PSMD11: variants seen among roughly 807,000 people sequenced by gnomAD.
PSMD11 encodes the protein proteasome 26S subunit, non-ATPase 11.
PSMD11 carries 5 observed loss-of-function variants against 62.3 expected under a neutral mutation model. That is an observed-to-expected ratio of 0.08 (90% CI 0.04 to 0.17). The LOEUF (loss-of-function observed/expected upper bound fraction) is 0.17, where lower values mean the gene tolerates loss of function less well. Among genes scored for constraint, PSMD11 ranks in the 10% least tolerant of loss-of-function variants. PSMD11 has a pLI of 1.00. For synonymous variants in PSMD11, 191 were observed against 191.8 expected, an observed-to-expected ratio of 1.00 and a Z score of 0.03; for missense variants, 310 against 512.9, an observed-to-expected ratio of 0.60 and a Z score of 3.82.
Position 32,482,758 on chromosome 17 carries a change from A to C in PSMD11, c.*2006A>C, listed in dbSNP as rs1279654445. The C allele has an allele frequency of 1.3e-5, 2 of 152,150 alleles. No individual in the cohort carries two copies. The highest frequency in any genetic ancestry group is 4.8e-5 in the African/African-American group (2 of 41,418). The allele number at this position is 152,150 out of a possible 1,614,324, so 9.4% of individuals were successfully genotyped here. A position where few individuals can be genotyped will look rare whatever the true frequency, so the allele number is the denominator to read the frequency against. On this transcript the variant is annotated 3_prime_UTR_variant, in exon 14 of 14. Coordinates refer to ENST00000261712, the MANE Select transcript of PSMD11 (RefSeq NM_002815.4). ...AGGTGTCTGGAGAGTCCTGACATGC[A>C]GTTGTGGTTTCGTTTCCTTTTGGAA...
At chr17:32,469,675 GGT>G (rs1197250490) in intron 6 of PSMD11, among the ~76,000 whole-genome samples, 2 of 151,672 alleles carry the variant, frequency 1.3e-5, no homozygotes, top group Non-Finnish European at 1.5e-5. Flanking sequence ...TGGATTGGCA[GGT>G]GGAATACTTT....
In PSMD11 at chr17:32,480,195, A is replaced by C; in HGVS notation, c.1124A>C (p.His375Pro). Residue 375 changes from histidine (H) to proline (P), a missense_variant and splice_region_variant, in exon 12 of 14, where the codon CAT becomes CCT. By Grantham distance (77) the His-to-Pro change is moderately conservative. Around this residue, in one of 6 missense-constraint regions of PSMD11, gnomAD observed 135 missense variants for 195.4 expected, o/e 0.69. Transcript: ENST00000261712. ...CAGATGATTCTTGACAAGAAATTTC[A>C]TGGTAAGTAACAGTCACACAGGCAA... ...LSQMILDKKF[H>P]GILDQGEGVL... The C allele has an allele frequency of 6.2e-7, 1 of 1,613,292 alleles. No individual in the cohort carries two copies. Among genetic ancestry groups the C allele is most frequent in the Non-Finnish European group, 8.5e-7 (1 of 1,179,182 alleles).
At position 32,454,091 on chromosome 17, in the gene PSMD11, CT is replaced by C. The variant is rs1291362774; in HGVS notation, c.194-403del. On this transcript the variant is annotated intron_variant, in intron 2 of 13. Transcript: ENST00000261712. ...CTTGGAAGTTAGAAAAAAATTACCC[CT>C]ATGACCTGATCATATTTATTGGTTG... Among the ~76,000 whole-genome samples the C allele has an allele frequency of 3.9e-5, 6 of 152,272 alleles. No individual in the cohort carries two copies. The East Asian group carries it at 1.2e-3, about 29-fold the overall frequency.
chr17:32,474,907 C>A, intron 8 of PSMD11, 83 bp downstream of exon 8: 1 of 1,180,802 alleles, frequency 8.5e-7, no homozygotes, highest in South Asian at 1.2e-5. Context: ...GACCAGCACT[C>A]TTCAGATCTT....
At chr17:32,457,744 A>G (rs963045975) in intron 3 of PSMD11, among the ~76,000 whole-genome samples, 5 of 151,108 alleles carry the variant, frequency 3.3e-5, no homozygotes, top group African/African-American at 9.7e-5. Context: ...AATTTTGTCA[A>G]TTCAGCTTTC....
chr17:32,466,813 A>AT (rs1360032343), intron 5 of PSMD11, among the ~76,000 whole-genome samples: 1 of 152,054 alleles, frequency 6.6e-6, no homozygotes, highest in African/African-American at 2.4e-5. Flanking sequence ...AACACTTGTT[A>AT]TTTTTTAATT....
At chr17:32,477,226 AT>A in intron 8 of PSMD11, 1 of 303,688 alleles carries the variant, frequency 3.3e-6, no homozygotes. Flanking sequence ...TTCTCTTGTC[AT>A]TTTTCCTTTT....
At chr17:32,448,584 G>C (rs905843686) in intron 2 of PSMD11, among the ~76,000 whole-genome samples, 1 of 151,900 alleles carries the variant, frequency 6.6e-6, no homozygotes, top group Admixed American at 6.6e-5. Context: ...TGTTGGTCAG[G>C]CTGGTCTTGA....
chr17:32,479,474 G>A, intron 10 of PSMD11, 98 bp downstream of exon 10: 1 of 1,488,552 alleles, frequency 6.7e-7, no homozygotes, highest in African/African-American at 1.4e-5. Context: ...TTCTAGGGGT[G>A]TGCCTGGTGG....
At chr17:32,475,173 C>A (rs570690017) in intron 8 of PSMD11, among the ~76,000 whole-genome samples, 4 of 152,306 alleles carry the variant, frequency 2.6e-5, no homozygotes, top group South Asian at 2.1e-4. Flanking sequence ...ATCTTAGATT[C>A]TCCAGGTTAG....
At chr17:32,444,788 A>C in intron 1 of PSMD11, 174 bp downstream of exon 1, 1 of 705,392 alleles carries the variant, frequency 1.4e-6, no homozygotes, top group Non-Finnish European at 2.2e-6. Context: ...CCCAGGTCTC[A>C]CTCTTGTGGG....
At chr17:32,461,810 A>G (rs1195589006) in intron 3 of PSMD11, among the ~76,000 whole-genome samples, 3 of 152,136 alleles carry the variant, frequency 2.0e-5, no homozygotes, top group Non-Finnish European at 4.4e-5. Context: ...ATCTTATACA[A>G]TTGTGATATA....
At chr17:32,453,455 C>G (rs1469840907) in intron 2 of PSMD11, among the ~76,000 whole-genome samples, 1 of 152,158 alleles carries the variant, frequency 6.6e-6, no homozygotes, top group East Asian at 1.9e-4. Flanking sequence ...AAGGTCATTA[C>G]TGGGGAGTGA....
At chr17:32,444,741 G>C (rs967757538) in intron 1 of PSMD11, 127 bp downstream of exon 1, 5 of 1,206,938 alleles carry the variant, frequency 4.1e-6, no homozygotes, top group Non-Finnish European at 4.6e-6. Context: ...GGGGGGCCGG[G>C]CCGGGGGCGC....
At chr17:32,453,813 G>A (rs1907572864) in intron 2 of PSMD11, among the ~76,000 whole-genome samples, 1 of 152,164 alleles carries the variant, frequency 6.6e-6, no homozygotes, top group East Asian at 1.9e-4. Context: ...CTTCTATATA[G>A]TGGGGGAAAA....
intron 4 of PSMD11, 74 bp from the exon 5 acceptor site, chr17:32,464,447 T>C: frequency 8.0e-7 from 1 of 1,243,126 alleles, no homozygotes; most frequent in South Asian, 1.3e-5. Context: ...GTAACAGTTC[T>C]GTGACTGTCA....
intron 5 of PSMD11, among the ~76,000 whole-genome samples, chr17:32,467,142 A>G (rs1463229589): frequency 6.7e-6 from 1 of 149,714 alleles, no homozygotes; most frequent in Non-Finnish European, 1.5e-5. Context: ...ACGGGTTTTC[A>G]CCATGTTGGC....
At chr17:32,454,404 C>A in intron 2 of PSMD11, 91 bp from the exon 3 acceptor site, 3 of 1,351,972 alleles carry the variant, frequency 2.2e-6, no homozygotes, top group Non-Finnish European at 3.1e-6. Flanking sequence ...ATGTAAGTAC[C>A]GATTTTTATG....
intron 9 of PSMD11, 79 bp downstream of exon 9, chr17:32,477,662 A>AC: frequency 7.7e-7 from 1 of 1,301,302 alleles, no homozygotes; most frequent in African/African-American, 1.5e-5. Context: ...ACTTTTAAAA[A>AC]TAATTATAGT....
Sources: gnomAD v4.1 joint callset for allele counts (sites outside exome capture counted in the v4.1 genomes callset) on GRCh38, gnomAD v4.1.1 for gene constraint, gnomAD v4.1.1 regional missense constraint, MANE v1.5 for transcripts, NCBI Gene and HGNC (gene_info 2026-07-23, HGNC 2026-07-21) for gene names.